The following UGT2A1 variants were observed in gnomAD, a reference collection of about 807,000 sequenced individuals.
UGT2A1 encodes the protein UDP-glucuronosyltransferase 2A1.
A neutral mutation model predicts 45.4 loss-of-function variants in UGT2A1; 61 were observed. That is an observed-to-expected ratio of 1.34 (90% CI 1.09 to 1.66). The LOEUF is 1.66. Among genes scored for constraint, UGT2A1 ranks in the 40% most tolerant of loss-of-function variants. The probability of loss-of-function intolerance (pLI) is 0.00; values close to 1 mark genes in which losing one functional copy is unlikely to be tolerated. For synonymous variants in UGT2A1, 229 were observed against 196.2 expected (o/e 1.17, Z -1.40); for missense variants, 649 against 574.3 (o/e 1.13, Z -1.33).
At position 69,647,176 on chromosome 4, in the gene UGT2A1, C is replaced by T. The variant is rs766270590; in HGVS notation, c.469G>A (p.Asp157Asn). ...LVSDPVFPCG[D>N]IVALKLGIPF... ...ATTCCAAGTTTTAAAGCTACTATATCGCCACAAGGAAATACTGGATCAGAC... is the reference window on the plus strand; with the variant it reads ...ATTCCAAGTTTTAAAGCTACTATATTGCCACAAGGAAATACTGGATCAGAC... The change falls in exon 2 of 7, where the codon GAT becomes AAT. Residue 157 changes from aspartate to asparagine, a missense_variant. By Grantham distance (23) the Asp-to-Asn change is conservative. Coordinates refer to ENST00000286604, the MANE Select transcript of UGT2A1 (RefSeq NM_001252275.3). The T allele has an allele frequency of 1.6e-5, 26 of 1,612,892 alleles. No homozygotes were observed. Among genetic ancestry groups the T allele is most frequent in the African/African-American group, 4.0e-5 (3 of 74,828 alleles).
intron 3 of UGT2A1, chr4:69,599,689 TAA>T: frequency 9.5e-6 from 2 of 210,910 alleles, no homozygotes; most frequent in East Asian, 9.1e-5. Context: ...GAGGTAGAAA[TAA>T]AGAAAGAGAG....
intron 3 of UGT2A1, among the ~76,000 whole-genome samples, chr4:69,629,184 A>G (rs1427965849): frequency 6.6e-6 from 1 of 151,860 alleles, no homozygotes; most frequent in African/African-American, 2.4e-5. Flanking sequence ...ACTACAAATG[A>G]TGGGAATATT....
chr4:69,627,868 A>G (rs79619475), intron 3 of UGT2A1, among the ~76,000 whole-genome samples: 46,567 of 151,662 alleles, frequency 0.31, 7,442 homozygotes, highest in African/African-American at 0.36. Flanking sequence ...ACAGGTTAAA[A>G]GAGAATGGAG....
chr4:69,593,385 T>TA (rs1718696938), intron 6 of UGT2A1, among the ~76,000 whole-genome samples: 1 of 151,892 alleles, frequency 6.6e-6, no homozygotes, highest in Non-Finnish European at 1.5e-5. Flanking sequence ...GAAATAGAGA[T>TA]ACATTTCAAA....
At chr4:69,646,157 T>C (rs894520777) in intron 2 of UGT2A1, among the ~76,000 whole-genome samples, 1 of 151,840 alleles carries the variant, frequency 6.6e-6, no homozygotes, top group Non-Finnish European at 1.5e-5. Flanking sequence ...GACTTTATTT[T>C]AGTCTTCCTA....
intron 3 of UGT2A1, among the ~76,000 whole-genome samples, chr4:69,617,324 G>A (rs4148292): frequency 0.35 from 53,398 of 151,590 alleles, 9,741 homozygotes; most frequent in African/African-American, 0.43. Flanking sequence ...AATAAGTATG[G>A]TGAGTCCAAA....
chr4:69,641,013 T>C (rs754370230), intron 2 of UGT2A1, among the ~76,000 whole-genome samples: 1 of 151,900 alleles, frequency 6.6e-6, no homozygotes, highest in African/African-American at 2.4e-5. Flanking sequence ...CAAAAGTCTA[T>C]CTATAAAATA....
At chr4:69,648,714 T>G (rs1167674871) in intron 1 of UGT2A1, among the ~76,000 whole-genome samples, 1 of 152,016 alleles carries the variant, frequency 6.6e-6, no homozygotes, top group East Asian at 1.9e-4. Flanking sequence ...ACAATGGAAA[T>G]ACAGTGTACA....
chr4:69,622,113 C>T (rs1471878568), intron 3 of UGT2A1, among the ~76,000 whole-genome samples: 2 of 151,760 alleles, frequency 1.3e-5, no homozygotes, highest in Non-Finnish European at 2.9e-5. Context: ...CTGTGTACCA[C>T]ATTACCTGTG....
rs114269062 is a variant in UGT2A1, at chr4:69,589,040, T to C, written c.*332A>G. 6.2e-3 allele frequency: 1,177 copies of C among 190,268 alleles called. 7 individuals carry two copies. Among genetic ancestry groups the C allele is most frequent in the Non-Finnish European group, 9.8e-3 (885 of 90,760 alleles). The allele number at this position is 190,268 out of a possible 1,614,324, so 11.8% of individuals were successfully genotyped here. A position where few individuals can be genotyped will look rare whatever the true frequency, so the allele number is the denominator to read the frequency against. The stretch of plus-strand genomic sequence containing the variant: ...CCAGGATTCAGCATATTGTTAATCA[T>C]TAATTAAGGTTAACGATAAAATAAT... On this transcript the variant is annotated 3_prime_UTR_variant, in exon 7 of 7. Coordinates refer to ENST00000286604, the MANE Select transcript of UGT2A1 (RefSeq NM_001252275.3).
chr4:69,589,759 TG>T, intron 6 of UGT2A1, 108 bp from the exon 7 acceptor site: 7 of 1,448,112 alleles, frequency 4.8e-6, no homozygotes, highest in Non-Finnish European at 6.5e-6. Flanking sequence ...CATAGTTACG[TG>T]GAGAAAATAT....
intron 2 of UGT2A1, among the ~76,000 whole-genome samples, chr4:69,638,080 GGAAA>G (rs1026542172): frequency 2.0e-5 from 3 of 152,010 alleles, no homozygotes; most frequent in Non-Finnish European, 2.9e-5. Context: ...GAGGGAGAAA[GGAAA>G]GAAAGTCAAA....
rs1560467626 is a variant in UGT2A1, at chr4:69,595,668, TA to T, written c.997-420del. ...GAATAGAAATGCAAAATTGTAGAGA[TA>T]AAAATTAAGGTTAATTGAATAACAT... On this transcript the variant is annotated intron_variant, in intron 4 of 6. Transcript: ENST00000286604. Among the ~76,000 whole-genome samples the T allele has an allele frequency of 5.9e-5, 9 of 152,260 alleles. No homozygotes were observed. The South Asian group carries it at 1.9e-3, about 32-fold the overall frequency.
chr4:69,622,244 A>T (rs28448316), intron 3 of UGT2A1, among the ~76,000 whole-genome samples: 53,301 of 151,622 alleles, frequency 0.35, 9,730 homozygotes, highest in African/African-American at 0.43. Context: ...AATACTTACC[A>T]AAACATATGT....
At chr4:69,613,722 T>C (rs1307617935) in intron 3 of UGT2A1, among the ~76,000 whole-genome samples, 1 of 151,938 alleles carries the variant, frequency 6.6e-6, no homozygotes, top group Non-Finnish European at 1.5e-5. Flanking sequence ...CAGGACAAAA[T>C]CCATATGATT....
At position 69,647,283 on chromosome 4, in the gene UGT2A1, A is replaced by C; in HGVS notation, c.362T>G (p.Val121Gly). 1 of 1,613,428 alleles carries C rather than the reference A, an allele frequency of 6.2e-7. No individual in the cohort carries two copies. The highest frequency in any genetic ancestry group is 8.5e-7 in the Non-Finnish European group (1 of 1,179,560). Residue 121 changes from valine (V) to glycine (G), a missense_variant, in exon 2 of 7, where the codon GTG (valine) becomes GGG (glycine). Val to Gly is a moderately radical substitution (Grantham distance 109, BLOSUM62 -3). Transcript: ENST00000286604. The part of the protein sequence containing the change: ...MAKVIKDFHM[V>G]SQEICDGVLK... ...AACGCCATCACAGATCTCCTGAGAC[A>C]CCATGTGGAAGTCCTTGATTACTTT...
chr4:69,642,212 GC>G (rs1378314377), intron 2 of UGT2A1, among the ~76,000 whole-genome samples: 2 of 151,782 alleles, frequency 1.3e-5, no homozygotes, highest in Admixed American at 6.6e-5. Flanking sequence ...ATGAGTGGGA[GC>G]GAAAAAGATA....
chr4:69,616,382 G>A (rs528589573), intron 3 of UGT2A1, among the ~76,000 whole-genome samples: 1 of 151,900 alleles, frequency 6.6e-6, no homozygotes, highest in South Asian at 2.1e-4. Context: ...AGTGGAATTG[G>A]AATTTTCCTA....
At chr4:69,630,954 A>G (rs1212251931) in intron 3 of UGT2A1, among the ~76,000 whole-genome samples, 3 of 152,118 alleles carry the variant, frequency 2.0e-5, no homozygotes, top group Non-Finnish European at 2.9e-5. Flanking sequence ...AGAGTTAACA[A>G]TACTACTTAA....
Sources: allele counts gnomAD v4.1 joint callset (sites outside exome capture counted in the v4.1 genomes callset), GRCh38; gene constraint gnomAD v4.1.1; transcripts MANE v1.5; gene names NCBI Gene and HGNC (gene_info 2026-07-23, HGNC 2026-07-21).